The following EPHA5 variants were observed in gnomAD, a reference collection of about 807,000 sequenced individuals.
EPHA5 encodes ephrin type-A receptor 5.
A neutral mutation model predicts 105.0 loss-of-function variants in EPHA5; 60 were observed. That is an observed-to-expected ratio of 0.57 (90% CI 0.46 to 0.71). The LOEUF is 0.71. Among genes scored for constraint, EPHA5 ranks in the 30% least tolerant of loss-of-function variants. The pLI is 0.00. For synonymous variants in EPHA5, 513 were observed against 449.1 expected (o/e 1.14, Z -1.80); for missense variants, 1,218 against 1,274.7 (o/e 0.96, Z 0.68).
chr4:65,580,076 C>T (rs1205843589), intron 3 of EPHA5, among the ~76,000 whole-genome samples: 1 of 151,640 alleles, frequency 6.6e-6, no homozygotes, highest in Admixed American at 6.6e-5. Flanking sequence ...TTTTCAAGAA[C>T]GAGACTTAGA....
At chr4:65,515,383 G>A (rs1018709505) in intron 3 of EPHA5, among the ~76,000 whole-genome samples, 1 of 152,030 alleles carries the variant, frequency 6.6e-6, no homozygotes, top group Admixed American at 6.6e-5. Flanking sequence ...TACGAATGAA[G>A]TCTGTTAAAA....
intron 14 of EPHA5, among the ~76,000 whole-genome samples, chr4:65,338,082 C>T (rs905323465): frequency 4.0e-5 from 6 of 151,530 alleles, no homozygotes; most frequent in African/African-American, 1.5e-4. Flanking sequence ...AATAATAAAA[C>T]AACAGATACA....
intron 5 of EPHA5, among the ~76,000 whole-genome samples, chr4:65,427,916 G>A (rs1434551943): frequency 6.6e-6 from 1 of 151,982 alleles, no homozygotes; most frequent in Non-Finnish European, 1.5e-5. Flanking sequence ...CTATGTGTAT[G>A]ATCATGTAAC....
intron 5 of EPHA5, among the ~76,000 whole-genome samples, chr4:65,436,744 C>G (rs1004546297): frequency 6.6e-6 from 1 of 151,898 alleles, no homozygotes; most frequent in African/African-American, 2.4e-5. Flanking sequence ...AGAACGATAA[C>G]TAACTATTTA....
intron 16 of EPHA5, chr4:65,331,768 T>C: frequency 8.1e-7 from 1 of 1,239,512 alleles, no homozygotes; most frequent in Non-Finnish European, 1.0e-6. Context: ...TGTTATTTGT[T>C]TGAAGCAAAG....
rs10001869 is a variant in EPHA5, at chr4:65,335,117, G to T, written c.2789+815C>A. On this transcript the variant is annotated intron_variant, in intron 15 of 16. Coordinates refer to ENST00000613740, the MANE Select transcript of EPHA5 (RefSeq NM_001281766.3). ...TTATTAACAAATTGTTTCTCATTTA[G>T]TCCATGCTAATAGGCAGCCAATTTA... 3.2e-3 allele frequency among the ~76,000 whole-genome samples: 489 copies of T among 151,918 alleles called. 1 individual carries two copies. Among genetic ancestry groups the T allele is most frequent in the African/African-American group, 0.011 (464 of 41,496 alleles).
intron 2 of EPHA5, among the ~76,000 whole-genome samples, chr4:65,606,320 A>G (rs1744223961): frequency 6.6e-6 from 1 of 152,200 alleles, no homozygotes; most frequent in Non-Finnish European, 1.5e-5. Flanking sequence ...GAATGAATTA[A>G]TATCAAACAT....
chr4:65,490,072 A>G (rs1041352574), intron 5 of EPHA5, among the ~76,000 whole-genome samples: 1 of 152,358 alleles, frequency 6.6e-6, no homozygotes, highest in Admixed American at 6.5e-5. Context: ...AATGAATGCT[A>G]TGAAATTATA....
At chr4:65,348,673 T>G (rs1304211702) in intron 13 of EPHA5, among the ~76,000 whole-genome samples, 15 of 65,376 alleles carry the variant, frequency 2.3e-4, no homozygotes, top group Non-Finnish European at 4.1e-4. Flanking sequence ...TATATATATA[T>G]ATATATATAT....
At chr4:65,551,247 T>G (rs1181013432) in intron 3 of EPHA5, among the ~76,000 whole-genome samples, 2 of 111,300 alleles carry the variant, frequency 1.8e-5, no homozygotes, top group African/African-American at 5.9e-5. Flanking sequence ...AGTGTATATA[T>G]TTATATATGT....
At chr4:65,491,956 T>C (rs971779486) in intron 4 of EPHA5, among the ~76,000 whole-genome samples, 2 of 152,162 alleles carry the variant, frequency 1.3e-5, no homozygotes, top group African/African-American at 4.8e-5. Flanking sequence ...CACATTTATA[T>C]TTGTTCCAGA....
chr4:65,562,313 T>G (rs1739091792), intron 3 of EPHA5, among the ~76,000 whole-genome samples: 1 of 152,036 alleles, frequency 6.6e-6, no homozygotes, highest in Non-Finnish European at 1.5e-5. Flanking sequence ...AAAGTTTAGA[T>G]TTTTAACTTT....
At chr4:65,483,787 G>C (rs116108473) in intron 5 of EPHA5, among the ~76,000 whole-genome samples, 1,996 of 152,206 alleles carry the variant, frequency 0.013, 47 homozygotes, top group African/African-American at 0.045. Flanking sequence ...GAGTTACACT[G>C]TAAGTGTATC....
At chr4:65,551,271 T>TGC (rs1737884979) in intron 3 of EPHA5, among the ~76,000 whole-genome samples, 6 of 101,502 alleles carry the variant, frequency 5.9e-5, no homozygotes, top group African/African-American at 2.4e-4. Flanking sequence ...TGTGTGTGTG[T>TGC]GTGTGTGTGT....
At chr4:65,451,656 T>C (rs533640989) in intron 5 of EPHA5, among the ~76,000 whole-genome samples, 5 of 152,292 alleles carry the variant, frequency 3.3e-5, no homozygotes, top group African/African-American at 1.2e-4. Context: ...TCAGGTGCTG[T>C]TAAAACTAGA....
intron 3 of EPHA5, among the ~76,000 whole-genome samples, chr4:65,569,347 G>T (rs1739882454): frequency 6.6e-6 from 1 of 151,448 alleles, no homozygotes; most frequent in Admixed American, 6.6e-5. Flanking sequence ...TCTTTTAAAA[G>T]AATGTTTAAA....
intron 1 of EPHA5, 31 bp downstream of exon 1, chr4:65,669,531 G>T (rs763879155): frequency 1.1e-5 from 15 of 1,352,816 alleles, no homozygotes; most frequent in Non-Finnish European, 1.2e-5. Flanking sequence ...TCCGCCCCAG[G>T]TCGCCACGGT....
chr4:65,669,593 G>C lies in EPHA5; in HGVS notation c.150C>G (p.Leu50=), dbSNP rs2149570842. 1 of 1,434,730 alleles carries C rather than the reference G, an allele frequency of 7.0e-7. No homozygotes were observed. Among genetic ancestry groups the C allele is most frequent in the Non-Finnish European group, 9.2e-7 (1 of 1,089,348 alleles). The allele number at this position is 1,434,730 out of a possible 1,614,324, so 88.9% of individuals were successfully genotyped here. Residue 50 remains leucine, a synonymous_variant, in exon 1 of 17, where the codon CTC becomes CTG. Coordinates refer to ENST00000613740, the MANE Select transcript of EPHA5 (RefSeq NM_001281766.3). ...LWTCLLLCAA[L]RTLLASPSNE... ...TGCTGGGGCTGGCCAGGAGGGTCCG[G>C]AGTGCGGCGCACAGGAGAAGGCACG...
chr4:65,336,160 C>A (rs1721163834), intron 14 of EPHA5, 35 bp from the exon 15 acceptor site: 2 of 1,537,158 alleles, frequency 1.3e-6, no homozygotes, highest in Admixed American at 1.9e-5. Flanking sequence ...CACCCCAACA[C>A]CACAAATTTA....
Sources: gnomAD v4.1 joint callset for allele counts (sites outside exome capture counted in the v4.1 genomes callset) on GRCh38, gnomAD v4.1.1 for gene constraint, MANE v1.5 for transcripts, NCBI Gene and HGNC (gene_info 2026-07-23, HGNC 2026-07-21) for gene names.